Variants in RASA1 observed in about 807,000 individuals in gnomAD.
RASA1 encodes the protein ras GTPase-activating protein 1.
Under a neutral mutation model 132.2 loss-of-function variants are expected in RASA1, and 25 were observed. That is an observed-to-expected ratio of 0.19 (90% CI 0.14 to 0.26). The LOEUF is 0.26. Ranked by LOEUF, RASA1 falls within the 10% of genes least tolerant of loss-of-function variation. The pLI is 1.00. For synonymous variants in RASA1, 477 were observed against 449.9 expected (o/e 1.06, Z -0.76); for missense variants, 964 against 1,299.2 (o/e 0.74, Z 3.97).
intron 9 of RASA1, 91 bp from the exon 10 acceptor site, chr5:87,362,460 G>A (rs2112455770): frequency 7.7e-7 from 1 of 1,295,464 alleles, no homozygotes. Context: ...AGTATTTTAA[G>A]CGCTTTGGCT....
In RASA1 at chr5:87,386,770, T is replaced by C. The variant is rs529262338; in HGVS notation, c.2848-56T>C. 335 of 1,478,664 alleles carry C rather than the reference T, an allele frequency of 2.3e-4. 1 individual carries two copies. The highest frequency in any genetic ancestry group is 3.7e-5 in the Non-Finnish European group (39 of 1,057,562). The allele number at this position is 1,478,664 out of a possible 1,614,324, so 91.6% of individuals were successfully genotyped here. A position where few individuals can be genotyped will look rare whatever the true frequency, so the allele number is the denominator to read the frequency against. ...TGTAATTACTTTTGCACCAACCTAA[T>C]AGATCAAACAGTGGTTTGTTTCTGG... On this transcript the variant is annotated intron_variant, in intron 22 of 24. Coordinates refer to ENST00000274376, the MANE Select transcript of RASA1 (RefSeq NM_002890.3).
chr5:87,292,315 T>C (rs1216476418), intron 1 of RASA1, among the ~76,000 whole-genome samples: 1 of 152,000 alleles, frequency 6.6e-6, no homozygotes, highest in Non-Finnish European at 1.5e-5. Flanking sequence ...TTTCGGTCTG[T>C]GATCCATTTT....
chr5:87,374,942 A>T, intron 15 of RASA1, 26 bp downstream of exon 15: 1 of 1,594,356 alleles, frequency 6.3e-7, no homozygotes, highest in Non-Finnish European at 8.5e-7. Context: ...AACTTTCTAA[A>T]ATAGAAAAAG....
At chr5:87,278,785 G>A (rs1754180325) in intron 1 of RASA1, among the ~76,000 whole-genome samples, 1 of 151,696 alleles carries the variant, frequency 6.6e-6, no homozygotes, top group Non-Finnish European at 1.5e-5. Context: ...ATGTAAATTT[G>A]TATAATCATT....
chr5:87,325,998 G>A (rs1757203946), intron 1 of RASA1, among the ~76,000 whole-genome samples: 1 of 151,966 alleles, frequency 6.6e-6, no homozygotes, highest in Non-Finnish European at 1.5e-5. Context: ...CTGTGACAGG[G>A]TCTCTCTCTG....
At chr5:87,270,478 G>A (rs1196545679) in intron 1 of RASA1, among the ~76,000 whole-genome samples, 1 of 150,356 alleles carries the variant, frequency 6.7e-6, no homozygotes, top group African/African-American at 2.4e-5. Context: ...CTCTCTAGTA[G>A]CTGGGATTAC....
At position 87,330,846 on chromosome 5, in the gene RASA1, A is replaced by T; in HGVS notation, c.540-502A>T. Reference sequence around the variant, plus strand: ...AATCAGCTTCACGTTCAAACAGGAAATTAAAATAGCATCCTTTAGACAGTG... The same window carrying T: ...AATCAGCTTCACGTTCAAACAGGAATTTAAAATAGCATCCTTTAGACAGTG... On this transcript the variant is annotated intron_variant, in intron 1 of 24. Transcript: ENST00000274376. The T allele has an allele frequency of 4.3e-6, 3 of 701,048 alleles. No homozygotes were observed. The East Asian group carries it at 9.8e-5, about 23-fold the overall frequency. 43.4% of individuals were successfully genotyped at this position (701,048 alleles called of 1,614,324 possible). A position where few individuals can be genotyped will look rare whatever the true frequency, so the allele number is the denominator to read the frequency against.
chr5:87,368,228 A>G (rs762683621), intron 11 of RASA1, among the ~76,000 whole-genome samples: 2 of 152,000 alleles, frequency 1.3e-5, no homozygotes, highest in African/African-American at 2.4e-5. Flanking sequence ...CTTTCAGTTC[A>G]CTAATCTTCC....
chr5:87,380,629 AC>A, intron 20 of RASA1, 34 bp downstream of exon 20: 1 of 1,508,876 alleles, frequency 6.6e-7, no homozygotes, highest in Non-Finnish European at 9.2e-7. Context: ...TAAATCACAT[AC>A]TAATAGGTGG....
chr5:87,323,440 G>A (rs1172232568), intron 1 of RASA1, among the ~76,000 whole-genome samples: 2 of 152,086 alleles, frequency 1.3e-5, no homozygotes, highest in African/African-American at 4.8e-5. Context: ...CTGTTCCCCT[G>A]CCCTGTGCTC....
At position 87,374,155 on chromosome 5, in the gene RASA1, T is replaced by C; in HGVS notation, c.1777-8T>C. ...GTAATATATATATATATATTTTTTT[T>C]TTTTTAGGTCAGCAGCCTTGTTTTA... On this transcript the variant is annotated splice_region_variant and splice_polypyrimidine_tract_variant and intron_variant, in intron 13 of 24. Transcript: ENST00000274376. 7.0e-7 allele frequency: 1 copy of C among 1,429,518 alleles called. No individual in the cohort carries two copies. The highest frequency in any genetic ancestry group is 1.6e-5 in the South Asian group (1 of 64,420). The allele number at this position is 1,429,518 out of a possible 1,614,324, so 88.6% of individuals were successfully genotyped here.
intron 1 of RASA1, among the ~76,000 whole-genome samples, chr5:87,310,557 T>G (rs565531938): frequency 6.6e-6 from 1 of 152,304 alleles, no homozygotes; most frequent in South Asian, 2.1e-4. Flanking sequence ...AAAATTTTGT[T>G]ACAATATTCG....
intron 1 of RASA1, among the ~76,000 whole-genome samples, chr5:87,298,554 G>C (rs1231944418): frequency 6.6e-6 from 1 of 152,162 alleles, no homozygotes; most frequent in Non-Finnish European, 1.5e-5. Context: ...CATCCTTTCA[G>C]AGAATGAGTA....
At chr5:87,387,880 A>T (rs1466248009) in intron 23 of RASA1, among the ~76,000 whole-genome samples, 1 of 152,176 alleles carries the variant, frequency 6.6e-6, no homozygotes, top group Non-Finnish European at 1.5e-5. Context: ...ATTGGAAAAT[A>T]TTTTTACTAT....
chr5:87,375,465 T>C (rs1052509103), intron 15 of RASA1, among the ~76,000 whole-genome samples: 1 of 152,186 alleles, frequency 6.6e-6, no homozygotes, highest in Admixed American at 6.5e-5. Context: ...TTCAGCATGT[T>C]GGCCAGGCTG....
intron 1 of RASA1, among the ~76,000 whole-genome samples, chr5:87,303,851 T>C (rs1755488161): frequency 6.6e-6 from 1 of 151,146 alleles, no homozygotes; most frequent in Non-Finnish European, 1.5e-5. Context: ...TTTTTTTTTT[T>C]TTTTTTGAGG....
intron 7 of RASA1, 84 bp from the exon 8 acceptor site, chr5:87,349,130 G>C: frequency 6.8e-7 from 1 of 1,466,130 alleles, no homozygotes; most frequent in Non-Finnish European, 9.5e-7. Context: ...TTATGACTTT[G>C]AATGCACTTT....
At chr5:87,275,230 A>G (rs1393176662) in intron 1 of RASA1, among the ~76,000 whole-genome samples, 2 of 152,220 alleles carry the variant, frequency 1.3e-5, no homozygotes, top group Non-Finnish European at 2.9e-5. Context: ...ATTATTAACT[A>G]TAACAATGGT....
chr5:87,340,759 A>G (rs1758372927), intron 5 of RASA1, among the ~76,000 whole-genome samples: 1 of 152,174 alleles, frequency 6.6e-6, no homozygotes, highest in South Asian at 2.1e-4. Context: ...TCTAACAAGT[A>G]GAAAGCAAAA....
Sources: allele counts gnomAD v4.1 joint callset (sites outside exome capture counted in the v4.1 genomes callset), GRCh38; gene constraint gnomAD v4.1.1; transcripts MANE v1.5; gene names NCBI Gene and HGNC (gene_info 2026-07-23, HGNC 2026-07-21).